The following CCNE2 variants were observed in gnomAD, a reference collection of about 807,000 sequenced individuals.
The protein encoded by CCNE2 is cyclin E2.
CCNE2 carries 18 observed loss-of-function variants against 56.8 expected under a neutral mutation model. That is an observed-to-expected ratio of 0.32 (90% confidence interval 0.22 to 0.47). CCNE2 has a LOEUF of 0.47. CCNE2 is among the 20% of genes least tolerant of loss of function. CCNE2 has a pLI of 1.00. For synonymous variants in CCNE2, 139 were observed against 149.2 expected (o/e 0.93, Z 0.50); for missense variants, 371 against 467.1 (o/e 0.79, Z 1.90).
At chr8:94,894,351 G>T in intron 1 of CCNE2, 104 bp from the exon 2 acceptor site, 1 of 1,127,528 alleles carries the variant, frequency 8.9e-7, no homozygotes. Context: ...TCCCTCCGAA[G>T]GGGGCCTGGG....
At position 94,880,270 on chromosome 8, in the gene CCNE2, A is replaced by T. The variant is rs777475627; in HGVS notation, c.*1362T>A. 1.8e-6 allele frequency: 2 copies of T among 1,100,920 alleles called. No individual in the cohort carries two copies. Among genetic ancestry groups the T allele is most frequent in the South Asian group, 1.3e-5 (1 of 75,194 alleles). 68.2% of individuals were successfully genotyped at this position (1,100,920 alleles called of 1,614,324 possible). On this transcript the variant is annotated 3_prime_UTR_variant, in exon 12 of 12. Coordinates refer to ENST00000308108, the MANE Select transcript of CCNE2 (RefSeq NM_057749.3). Reference sequence around the variant, plus strand: ...TTTTTTAACTTTTATTTTTTAAACAATGGGCTAAAAATAAACAGTATTAAA... The same window carrying T: ...TTTTTTAACTTTTATTTTTTAAACATTGGGCTAAAAATAAACAGTATTAAA...
chr8:94,891,689 A>T, intron 5 of CCNE2: 1 of 610,574 alleles, frequency 1.6e-6, no homozygotes. Flanking sequence ...AACACCATGA[A>T]GTATTTTTAA....
chr8:94,887,784 A>C (rs771868731), intron 7 of CCNE2, 143 bp downstream of exon 7: 5 of 497,582 alleles, frequency 1.0e-5, no homozygotes, highest in Non-Finnish European at 1.8e-5. Flanking sequence ...CCCTGTGGTA[A>C]TGTTCAGAAA....
At chr8:94,894,654 G>C (rs1273872236) in intron 1 of CCNE2, 1 of 166,420 alleles carries the variant, frequency 6.0e-6, no homozygotes, top group African/African-American at 2.4e-5. Flanking sequence ...AAATGCTGTG[G>C]AGAAGCCGGT....
chr8:94,894,553 C>A (rs1018907145), intron 1 of CCNE2: 1 of 333,170 alleles, frequency 3.0e-6, no homozygotes, highest in Non-Finnish European at 5.6e-6. Flanking sequence ...GTCCTCCACC[C>A]TCTCCCCCGT....
intron 11 of CCNE2, 79 bp from the exon 12 acceptor site, chr8:94,881,824 T>G (rs1297100320): frequency 6.5e-7 from 1 of 1,542,192 alleles, no homozygotes; most frequent in East Asian, 2.2e-5. Context: ...TTGAGATTAT[T>G]TAGGCCTAAT....
intron 6 of CCNE2, 78 bp from the exon 7 acceptor site, chr8:94,888,151 C>G (rs1368852825): frequency 1.9e-6 from 2 of 1,043,328 alleles, no homozygotes; most frequent in Non-Finnish European, 2.8e-6. Flanking sequence ...GCATATCAGA[C>G]TTTAAAATAT....
intron 7 of CCNE2, among the ~76,000 whole-genome samples, chr8:94,886,456 C>G (rs1437740808): frequency 1.3e-5 from 2 of 152,058 alleles, no homozygotes. Flanking sequence ...CCTATAAGCC[C>G]AGCACTTTGG....
At chr8:94,892,240 C>T (rs28399558) in intron 5 of CCNE2, 11,341 of 362,934 alleles carry the variant, frequency 0.031, 205 homozygotes, top group African/African-American at 0.039. Context: ...AGATCATCTA[C>T]AGCAGGATCA....
chr8:94,884,854 T>A, intron 9 of CCNE2: 1 of 430,728 alleles, frequency 2.3e-6, no homozygotes, highest in Non-Finnish European at 4.1e-6. Flanking sequence ...TCCTAAAGAA[T>A]GAAAGTACTC....
intron 9 of CCNE2, chr8:94,884,696 T>G (rs917551771): frequency 2.5e-5 from 4 of 157,068 alleles, no homozygotes; most frequent in African/African-American, 7.2e-5. Context: ...TAATTTTAAT[T>G]CTGATATTTA....
intron 7 of CCNE2, 141 bp downstream of exon 7, chr8:94,887,785 TG>T: frequency 2.0e-6 from 1 of 500,266 alleles, no homozygotes; most frequent in East Asian, 3.6e-5. Flanking sequence ...CCTGTGGTAA[TG>T]TTCAGAAAAT....
At chr8:94,882,331 C>A in intron 10 of CCNE2, 42 bp from the exon 11 acceptor site, 1 of 1,478,716 alleles carries the variant, frequency 6.8e-7, no homozygotes, top group Non-Finnish European at 9.2e-7. Flanking sequence ...GAAGGTTGTA[C>A]ATCAGAAACT....
At chr8:94,889,283 CT>C (rs1234272755) in intron 6 of CCNE2, among the ~76,000 whole-genome samples, 1 of 152,148 alleles carries the variant, frequency 6.6e-6, no homozygotes, top group Non-Finnish European at 1.5e-5. Context: ...CATTCCTAGA[CT>C]GAAGAATACA....
chr8:94,884,970 C>T, intron 9 of CCNE2, 97 bp downstream of exon 9: 2 of 1,056,090 alleles, frequency 1.9e-6, no homozygotes, highest in Non-Finnish European at 2.7e-6. Flanking sequence ...GGAGTGAAGT[C>T]AATATGTCAT....
At chr8:94,889,974 T>C (rs1049465172) in intron 6 of CCNE2, among the ~76,000 whole-genome samples, 2 of 152,178 alleles carry the variant, frequency 1.3e-5, no homozygotes, top group African/African-American at 4.8e-5. Context: ...CTTCCAGATA[T>C]CCATAGTCTC....
chr8:94,885,609 C>T (rs1251171724), intron 7 of CCNE2, 51 bp from the exon 8 acceptor site: 3 of 1,130,964 alleles, frequency 2.7e-6, no homozygotes, highest in African/African-American at 1.6e-5. Context: ...AAATTAATTA[C>T]AAATGTTCCT....
At chr8:94,884,138 T>C (rs1283079601) in intron 9 of CCNE2, among the ~76,000 whole-genome samples, 2 of 152,208 alleles carry the variant, frequency 1.3e-5, no homozygotes, top group Non-Finnish European at 2.9e-5. Context: ...ATTTGAGTAT[T>C]CATAATGTGC....
chr8:94,882,902 AAAAC>A lies in CCNE2; in HGVS notation c.832-14_832-11del, dbSNP rs1227881375. 6.5e-7 allele frequency: 1 copy of A among 1,544,060 alleles called. No individual in the cohort carries two copies. The highest frequency in any genetic ancestry group is 2.2e-5 in the East Asian group (1 of 44,550). On this transcript the variant is annotated splice_polypyrimidine_tract_variant and intron_variant, in intron 9 of 11. Transcript: ENST00000308108. ...TACACAGATCTAAAAGCTAACAGGAAAAACAAAAGTACAAGCAATTTAGGAGAAA... is the reference window on the plus strand; with the variant it reads ...TACACAGATCTAAAAGCTAACAGGAAAAAAGTACAAGCAATTTAGGAGAAA...
Sources: gnomAD v4.1 joint callset for allele counts (sites outside exome capture counted in the v4.1 genomes callset) on GRCh38, gnomAD v4.1.1 for gene constraint, MANE v1.5 for transcripts, NCBI Gene and HGNC (gene_info 2026-07-23, HGNC 2026-07-21) for gene names.